Variants in SPON1 observed in about 807,000 individuals in gnomAD.
The protein encoded by SPON1 is spondin 1, also known as spondin-1.
Under a neutral mutation model 111.7 loss-of-function variants are expected in SPON1, and 52 were observed. That is an observed-to-expected ratio of 0.47 (90% CI 0.37 to 0.59). The LOEUF is 0.59. Among genes scored for constraint, SPON1 ranks in the 20% least tolerant of loss-of-function variants. SPON1 has a pLI of 0.00. For synonymous variants in SPON1, 410 were observed against 395.8 expected (o/e 1.04, Z -0.43); for missense variants, 957 against 1,068.5 (o/e 0.90, Z 1.46).
rs76965224 is a variant in SPON1 at position 14,201,817 on chromosome 11, T to C, written c.826-41515T>C. Among the ~76,000 whole-genome samples, 737 of 152,308 alleles carry C rather than the reference T, an allele frequency of 4.8e-3. 5 individuals are homozygous for C. Among genetic ancestry groups the C allele is most frequent in the African/African-American group, 0.017 (717 of 41,558 alleles). ...ATCTAGTGCATCTGATCTTAAGCTA[T>C]GGTTTCATAGTAGGTGACTGTGAAG... On this transcript the variant is annotated intron_variant, in intron 6 of 15. Coordinates refer to ENST00000576479, the MANE Select transcript of SPON1 (RefSeq NM_006108.4).
At chr11:14,146,324 A>G (rs1847718118) in intron 6 of SPON1, among the ~76,000 whole-genome samples, 2 of 151,882 alleles carry the variant, frequency 1.3e-5, no homozygotes, top group South Asian at 2.1e-4. Context: ...TAATTTTTAC[A>G]TTTTTAGTAG....
At chr11:14,070,344 C>G (rs1322994211) in intron 3 of SPON1, among the ~76,000 whole-genome samples, 11 of 152,064 alleles carry the variant, frequency 7.2e-5, no homozygotes, top group African/African-American at 2.7e-4. Context: ...GACCACAAAC[C>G]CAACCTTCAT....
intron 5 of SPON1, among the ~76,000 whole-genome samples, chr11:14,090,099 C>T (rs782244158): frequency 3.3e-5 from 5 of 151,664 alleles, no homozygotes; most frequent in Non-Finnish European, 4.4e-5. Context: ...GGAATGGGAC[C>T]GGCTGAGCAA....
At chr11:14,143,038 A>G (rs1847674796) in intron 6 of SPON1, among the ~76,000 whole-genome samples, 1 of 152,220 alleles carries the variant, frequency 6.6e-6, no homozygotes, top group African/African-American at 2.4e-5. Context: ...ACATGGCCCC[A>G]AATGGTAGCC....
rs868917868 is a variant in SPON1 at position 13,962,893 on chromosome 11, G to C, written c.-12G>C. Reference sequence around the variant, plus strand: ...GGCCTGCGGCCGCGGCACAAAGTTGGGGGCCGCGAAGATGAGGCTGTCCCC... The same window carrying C: ...GGCCTGCGGCCGCGGCACAAAGTTGCGGGCCGCGAAGATGAGGCTGTCCCC... On this transcript the variant is annotated 5_prime_UTR_variant, in exon 1 of 16. Coordinates refer to ENST00000576479, the MANE Select transcript of SPON1 (RefSeq NM_006108.4). 2.0e-6 allele frequency: 3 copies of C among 1,497,916 alleles called. No individual in the cohort carries two copies. The highest frequency in any genetic ancestry group is 2.9e-5 in the African/African-American group (2 of 69,380). 92.8% of individuals were successfully genotyped at this position (1,497,916 alleles called of 1,614,324 possible).
rs1349583068 is a variant in SPON1, at chr11:14,161,306, T to TA, written c.825+25738_825+25739insA. ...ATATATTTATATATTTATATATATA[T>TA]TTTTTTATATCTATATATTTATATA... On this transcript the variant is annotated intron_variant, in intron 6 of 15. Transcript: ENST00000576479. Among the ~76,000 whole-genome samples, 4 of 75,798 alleles carry TA rather than the reference T, an allele frequency of 5.3e-5. 2 individuals are homozygous for TA. Among genetic ancestry groups the TA allele is most frequent in the African/African-American group, 2.0e-4 (4 of 19,998 alleles). The allele number at this position is 75,798 out of a possible 152,430, so 49.7% of individuals were successfully genotyped here. A position where few individuals can be genotyped will look rare whatever the true frequency, so the allele number is the denominator to read the frequency against.
At chr11:14,185,643 T>C (rs1297022092) in intron 6 of SPON1, among the ~76,000 whole-genome samples, 18 of 152,254 alleles carry the variant, frequency 1.2e-4, no homozygotes, top group African/African-American at 4.1e-4. Flanking sequence ...AAAGTTGGGT[T>C]AATGATCAAT....
intron 5 of SPON1, among the ~76,000 whole-genome samples, chr11:14,120,251 G>C (rs1849295210): frequency 6.6e-6 from 1 of 152,058 alleles, no homozygotes; most frequent in South Asian, 2.1e-4. Flanking sequence ...AATTCCCAGG[G>C]TAATATTTAT....
At chr11:14,252,062 GCAACTTGCC>G (rs1331721015) in intron 7 of SPON1, among the ~76,000 whole-genome samples, 1 of 152,230 alleles carries the variant, frequency 6.6e-6, no homozygotes, top group Non-Finnish European at 1.5e-5. Flanking sequence ...AAGAGGGTGA[GCAACTTGCC>G]CAAGATCTAA....
At chr11:13,969,772 C>A (rs1848048344) in intron 1 of SPON1, among the ~76,000 whole-genome samples, 1 of 152,158 alleles carries the variant, frequency 6.6e-6, no homozygotes, top group African/African-American at 2.4e-5. Context: ...AACACCCTAC[C>A]CCCAATATTC....
At chr11:14,142,936 C>G (rs1414738558) in intron 6 of SPON1, among the ~76,000 whole-genome samples, 1 of 152,198 alleles carries the variant, frequency 6.6e-6, no homozygotes, top group Non-Finnish European at 1.5e-5. Flanking sequence ...CACACTGCCC[C>G]CAGTGTCAGG....
intron 1 of SPON1, among the ~76,000 whole-genome samples, chr11:13,982,423 A>G: frequency 6.6e-6 from 1 of 152,220 alleles, no homozygotes; most frequent in East Asian, 1.9e-4. Context: ...TATGTTTTGA[A>G]GAACACACAG....
chr11:14,123,286 T>C (rs2133854823), intron 5 of SPON1, among the ~76,000 whole-genome samples: 1 of 152,224 alleles, frequency 6.6e-6, no homozygotes, highest in Non-Finnish European at 1.5e-5. Flanking sequence ...CATTGTTGAG[T>C]GTCTGGATTT....
chr11:14,097,424 A>T (rs1306765559), intron 5 of SPON1, among the ~76,000 whole-genome samples: 2 of 152,308 alleles, frequency 1.3e-5, no homozygotes, highest in Middle Eastern at 3.4e-3. Context: ...ATGCTTCATC[A>T]AGTTAATTCC....
intron 6 of SPON1, among the ~76,000 whole-genome samples, chr11:14,174,208 C>A (rs2133883746): frequency 6.6e-6 from 1 of 152,306 alleles, no homozygotes; most frequent in Middle Eastern, 3.4e-3. Flanking sequence ...CATTTCATTG[C>A]AAGGCAACCC....
At chr11:14,086,005 T>C (rs1364049709) in intron 5 of SPON1, among the ~76,000 whole-genome samples, 27 of 152,230 alleles carry the variant, frequency 1.8e-4, no homozygotes, top group Admixed American at 1.8e-3. Flanking sequence ...TTTTGTATCC[T>C]GAGACTTTGC....
chr11:14,219,027 G>A (rs936239324), intron 6 of SPON1, among the ~76,000 whole-genome samples: 6 of 152,142 alleles, frequency 3.9e-5, no homozygotes, highest in Non-Finnish European at 8.8e-5. Context: ...CTGCTCTGGA[G>A]CTCTCTTTGA....
At chr11:14,144,073 C>T (rs1194215174) in intron 6 of SPON1, among the ~76,000 whole-genome samples, 2 of 152,118 alleles carry the variant, frequency 1.3e-5, no homozygotes, top group Non-Finnish European at 2.9e-5. Context: ...ATTTGAAAAA[C>T]AATAACAAGA....
intron 3 of SPON1, among the ~76,000 whole-genome samples, chr11:14,045,375 G>T (rs371510132): frequency 6.6e-6 from 1 of 151,974 alleles, no homozygotes; most frequent in South Asian, 2.1e-4. Context: ...TCGGGAGTTC[G>T]AGACCAGCCT....
Sources: gnomAD v4.1 joint callset for allele counts (sites outside exome capture counted in the v4.1 genomes callset) on GRCh38, gnomAD v4.1.1 for gene constraint, MANE v1.5 for transcripts, NCBI Gene and HGNC (gene_info 2026-07-23, HGNC 2026-07-21) for gene names.